PROM1: variants seen among roughly 807,000 people sequenced by gnomAD.
PROM1 encodes the protein prominin-1.
Under a neutral mutation model 116.9 loss-of-function variants are expected in PROM1, and 105 were observed. That is an observed-to-expected ratio of 0.90 (90% confidence interval 0.77 to 1.06). PROM1 has a LOEUF of 1.06. Among genes scored for constraint, PROM1 ranks in the 50% least tolerant of loss-of-function variants. The probability of loss-of-function intolerance (pLI) is 0.00; values close to 1 mark genes in which losing one functional copy is unlikely to be tolerated. For synonymous variants in PROM1, 393 were observed against 387.0 expected (o/e 1.02, Z -0.18); for missense variants, 1,122 against 1,045.2 (o/e 1.07, Z -1.01).
At chr4:16,080,991 T>C (rs909181592) in intron 1 of PROM1, among the ~76,000 whole-genome samples, 2 of 151,948 alleles carry the variant, frequency 1.3e-5, no homozygotes, top group African/African-American at 2.4e-5. Context: ...GCCACTTACC[T>C]AAGCCACCCA....
At chr4:16,038,838 T>C in intron 3 of PROM1, 108 bp downstream of exon 3, 3 of 1,140,400 alleles carry the variant, frequency 2.6e-6, no homozygotes, top group Non-Finnish European at 3.5e-6. Flanking sequence ...AAAAGATTAC[T>C]AAAATTGCAG....
At chr4:16,051,874 G>C (rs921146021) in intron 2 of PROM1, among the ~76,000 whole-genome samples, 2 of 152,166 alleles carry the variant, frequency 1.3e-5, no homozygotes, top group African/African-American at 4.8e-5. Flanking sequence ...GGATTTGTAA[G>C]AACTCGGTAG....
At chr4:16,072,255 G>A (rs1742980125) in intron 2 of PROM1, among the ~76,000 whole-genome samples, 1 of 152,148 alleles carries the variant, frequency 6.6e-6, no homozygotes, top group African/African-American at 2.4e-5. Flanking sequence ...TACAAGAAGG[G>A]TTTCTCTTAG....
intron 20 of PROM1, among the ~76,000 whole-genome samples, chr4:15,987,035 G>A (rs1224152106): frequency 6.6e-6 from 1 of 152,260 alleles, no homozygotes; most frequent in East Asian, 1.9e-4. Flanking sequence ...TGCATTAGCT[G>A]TTCAGGATTA....
At chr4:15,995,406 A>G (rs1236322735) in intron 15 of PROM1, among the ~76,000 whole-genome samples, 5 of 152,024 alleles carry the variant, frequency 3.3e-5, no homozygotes, top group Non-Finnish European at 7.4e-5. Flanking sequence ...GAGGAGGAGG[A>G]GAAGAAGAGG....
intron 25 of PROM1, 96 bp from the exon 26 acceptor site, chr4:15,979,559 G>T: frequency 7.0e-7 from 1 of 1,436,470 alleles, no homozygotes; most frequent in South Asian, 1.7e-5. Context: ...GTCATGAAAA[G>T]TATGTAACAA....
chr4:16,063,357 G>A (rs1358674635), intron 2 of PROM1, among the ~76,000 whole-genome samples: 1 of 152,210 alleles, frequency 6.6e-6, no homozygotes, highest in Non-Finnish European at 1.5e-5. Flanking sequence ...CCCACTCTGG[G>A]AGGCCGAGGC....
chr4:16,045,589 T>C (rs563574347), intron 2 of PROM1, among the ~76,000 whole-genome samples: 1 of 152,332 alleles, frequency 6.6e-6, no homozygotes, highest in East Asian at 1.9e-4. Context: ...CCTCTACCAG[T>C]AGCCTATCCT....
At chr4:16,030,758 T>G (rs1337692182) in intron 5 of PROM1, among the ~76,000 whole-genome samples, 2 of 152,120 alleles carry the variant, frequency 1.3e-5, no homozygotes, top group African/African-American at 2.4e-5. Context: ...AGAAACCCAT[T>G]GTAGTGGCTA....
intron 2 of PROM1, among the ~76,000 whole-genome samples, chr4:16,041,477 A>G (rs1735215414): frequency 6.6e-6 from 1 of 152,112 alleles, no homozygotes; most frequent in Non-Finnish European, 1.5e-5. Context: ...CACCATCTTT[A>G]CTTGGAAGAA....
Position 16,075,842 on chromosome 4 carries a change from T to C in PROM1, c.65A>G (p.Gln22Arg), listed in dbSNP as rs1388891015. The change falls in exon 2 of 28, where the codon CAG (glutamine) becomes CGG (arginine). Residue 22 changes from glutamine to arginine, a missense_variant. Transcript: ENST00000447510. ...CTTAGGAGCATCTGTGGATGAAGGCTGCCCTCCTGAAAAGGAGTTCCCGCA... is the reference window on the plus strand; with the variant it reads ...CTTAGGAGCATCTGTGGATGAAGGCCGCCCTCCTGAAAAGGAGTTCCCGCA... ...GLCGNSFSGGQPSSTDAPKAW... is the reference protein window; with the variant it reads ...GLCGNSFSGGRPSSTDAPKAW... 2.5e-6 allele frequency: 4 copies of C among 1,613,822 alleles called. No individual in the cohort carries two copies. The South Asian group carries it at 4.4e-5, about 18-fold the overall frequency.
At chr4:15,988,022 G>A (rs1378178995) in intron 19 of PROM1, among the ~76,000 whole-genome samples, 1 of 152,006 alleles carries the variant, frequency 6.6e-6, no homozygotes, top group Non-Finnish European at 1.5e-5. Flanking sequence ...GACTACAGGC[G>A]TCCTCCACCA....
intron 14 of PROM1, among the ~76,000 whole-genome samples, chr4:15,999,268 G>A (rs554063909): frequency 2.0e-5 from 3 of 151,862 alleles, no homozygotes; most frequent in African/African-American, 2.4e-5. Flanking sequence ...TCAGGAGATC[G>A]AGACCATCCT....
Position 16,003,376 on chromosome 4 carries a change from C to T in PROM1, c.1455-2757G>A, listed in dbSNP as rs562409696. On this transcript the variant is annotated intron_variant, in intron 13 of 27. Transcript: ENST00000447510. ...TAGATTCCCCAAAATGGAAATTATT[C>T]GGCAAAGAGCATCATGGTCTTTTTA... 3.6e-4 allele frequency: 163 copies of T among 456,726 alleles called. No individual in the cohort carries two copies. The Middle Eastern group carries it at 3.6e-3, about 10-fold the overall frequency. 28.3% of individuals were successfully genotyped at this position (456,726 alleles called of 1,614,324 possible).
intron 4 of PROM1, among the ~76,000 whole-genome samples, chr4:16,034,685 G>C (rs1733579976): frequency 6.6e-6 from 1 of 152,020 alleles, no homozygotes; most frequent in South Asian, 2.1e-4. Context: ...GCAGAAAATT[G>C]CAAGTTGGCA....
rs982827133 is a variant in PROM1, at chr4:15,968,898, A to T, written c.*495T>A. 2 of 152,258 alleles carry T rather than the reference A, an allele frequency of 1.3e-5. No individual in the cohort carries two copies. The highest frequency in any genetic ancestry group is 2.9e-5 in the Non-Finnish European group (2 of 68,048). 9.4% of individuals were successfully genotyped at this position (152,258 alleles called of 1,614,324 possible). A position where few individuals can be genotyped will look rare whatever the true frequency, so the allele number is the denominator to read the frequency against. On this transcript the variant is annotated 3_prime_UTR_variant, in exon 28 of 28. Coordinates refer to ENST00000447510, the MANE Select transcript of PROM1 (RefSeq NM_006017.3). Reference sequence around the variant, plus strand: ...GACTTATTTAGCTCATTTAGAAGAAAGTCCTATAATACTCATTTGTTTAAA... The same window carrying T: ...GACTTATTTAGCTCATTTAGAAGAATGTCCTATAATACTCATTTGTTTAAA...
intron 2 of PROM1, 21 bp from the exon 3 acceptor site, chr4:16,039,022 T>C (rs746049899): frequency 5.5e-6 from 8 of 1,467,786 alleles, no homozygotes; most frequent in Admixed American, 2.5e-5. Context: ...AGCCACAAAA[T>C]AGCAATATTA....
At chr4:16,004,821 TTCTTTCTTTTTCTTC>T (rs1724768666) in intron 13 of PROM1, among the ~76,000 whole-genome samples, 8 of 118,556 alleles carry the variant, frequency 6.7e-5, no homozygotes, top group Admixed American at 6.6e-4. Context: ...CTTTCTTTCT[TTCTTTCTTTTTCTTC>T]CTTCCTTCCT....
In PROM1 at chr4:15,992,315, C is replaced by T. The variant is rs1311589867; in HGVS notation, c.1844G>A (p.Arg615Lys). The change falls in exon 17 of 28, where the codon AGA (arginine) becomes AAA (lysine). Residue 615 changes from arginine to lysine, a missense_variant. Coordinates refer to ENST00000447510, the MANE Select transcript of PROM1 (RefSeq NM_006017.3). ...AGCAGCAAAATCCTGAAGGTTTTTT[C>T]TTCCTGCTGCACCCAACAGAAAGAT... is the stretch of plus-strand genomic sequence containing the variant. ...LNIFLLGAAG[R>K]KNLQDFAACG... The T allele has an allele frequency of 3.1e-6, 5 of 1,613,750 alleles. No individual in the cohort carries two copies. In the East Asian group the frequency reaches 8.9e-5, roughly 29 times the overall value.
Sources: gnomAD v4.1 joint callset for allele counts (sites outside exome capture counted in the v4.1 genomes callset) on GRCh38, gnomAD v4.1.1 for gene constraint, MANE v1.5 for transcripts, NCBI Gene and HGNC (gene_info 2026-07-23, HGNC 2026-07-21) for gene names.